HOMER2: variants seen among roughly 807,000 people sequenced by gnomAD.
The protein encoded by HOMER2 is homer protein homolog 2.
Under a neutral mutation model 47.0 loss-of-function variants are expected in HOMER2, and 27 were observed. That is an observed-to-expected ratio of 0.57 (90% CI 0.42 to 0.79). The LOEUF (loss-of-function observed/expected upper bound fraction) is 0.79. Ranked by LOEUF, HOMER2 falls within the 30% of genes least tolerant of loss-of-function variation. The pLI is 0.00. For synonymous variants in HOMER2, 161 were observed against 163.8 expected, an observed-to-expected ratio of 0.98 and a Z score of 0.13; for missense variants, 443 against 435.0, an observed-to-expected ratio of 1.02 and a Z score of -0.16.
exon 2 of HOMER2, chr15:82,839,127 A>C (rs976958596): frequency 2.6e-5 from 4 of 152,056 alleles, no homozygotes; most frequent in Non-Finnish European, 5.9e-5. Context: ...TATCTGGTGG[A>C]ATGAGTCTCT....
At chr15:82,854,422 A>T (rs1229500939) in intron 6 of HOMER2, among the ~76,000 whole-genome samples, 1 of 152,184 alleles carries the variant, frequency 6.6e-6, no homozygotes, top group Non-Finnish European at 1.5e-5. Context: ...AAAGAAAGAA[A>T]ATAAAACCAG....
intron 1 of HOMER2, among the ~76,000 whole-genome samples, chr15:82,981,499 TC>T (rs1272789988): frequency 6.6e-6 from 1 of 152,196 alleles, no homozygotes; most frequent in Non-Finnish European, 1.5e-5. Flanking sequence ...ATCCAGCAAT[TC>T]CACTTCTGGG....
chr15:82,908,138 C>A (rs1049280846), intron 1 of HOMER2, among the ~76,000 whole-genome samples: 1 of 123,858 alleles, frequency 8.1e-6, no homozygotes, highest in Admixed American at 7.9e-5. Context: ...CTAATGGATT[C>A]TGACTTTCAG....
At chr15:82,946,241 C>T (rs1432641366) in intron 1 of HOMER2, among the ~76,000 whole-genome samples, 2 of 152,230 alleles carry the variant, frequency 1.3e-5, no homozygotes, top group East Asian at 1.9e-4. Flanking sequence ...ATATTTCCAG[C>T]GAACTGTGCG....
At chr15:82,902,189 T>G (rs1428466205) in intron 1 of HOMER2, among the ~76,000 whole-genome samples, 1 of 145,912 alleles carries the variant, frequency 6.9e-6, no homozygotes, top group African/African-American at 2.5e-5. Flanking sequence ...CTGGAAAACA[T>G]CCAAGTGATT....
At chr15:82,848,185 C>T (rs2051280377), downstream of HOMER2, among the ~76,000 whole-genome samples, 1 of 152,176 alleles carries the variant, frequency 6.6e-6, no homozygotes, top group Non-Finnish European at 1.5e-5. Context: ...GACTCGTGTT[C>T]ACCTTGGGGC....
chr15:82,918,852 G>A (rs545835517), intron 1 of HOMER2, among the ~76,000 whole-genome samples: 14 of 152,290 alleles, frequency 9.2e-5, no homozygotes, highest in Admixed American at 7.2e-4. Context: ...TGTTGAACTC[G>A]GCCCCGTAAA....
intron 1 of HOMER2, among the ~76,000 whole-genome samples, chr15:82,924,921 A>G (rs1469679562): frequency 6.6e-6 from 1 of 152,140 alleles, no homozygotes; most frequent in Non-Finnish European, 1.5e-5. Flanking sequence ...ACTTTGTTCC[A>G]TTGTGCATAT....
chr15:82,861,667 C>CT (rs2051794503), intron 4 of HOMER2, among the ~76,000 whole-genome samples: 1 of 152,118 alleles, frequency 6.6e-6, no homozygotes, highest in Non-Finnish European at 1.5e-5. Flanking sequence ...TGTTCATACT[C>CT]TAAGAGATTC....
intron 1 of HOMER2, among the ~76,000 whole-genome samples, chr15:82,910,540 A>C (rs962837216): frequency 6.6e-6 from 1 of 152,234 alleles, no homozygotes. Context: ...CAAGGGTTGC[A>C]CAGTACGTTT....
At chr15:82,945,466 A>G (rs1021977465) in intron 1 of HOMER2, among the ~76,000 whole-genome samples, 3 of 152,218 alleles carry the variant, frequency 2.0e-5, no homozygotes, top group South Asian at 2.1e-4. Flanking sequence ...ATGTAGACAT[A>G]CATCTAGACA....
chr15:82,911,750 G>T (rs2053459475), intron 1 of HOMER2, among the ~76,000 whole-genome samples: 1 of 152,172 alleles, frequency 6.6e-6, no homozygotes, highest in Non-Finnish European at 1.5e-5. Flanking sequence ...AAATTTCACG[G>T]CCGGGTGAGG....
intron 6 of HOMER2, 111 bp from the exon 7 acceptor site, chr15:82,852,363 A>C: frequency 9.8e-6 from 7 of 714,572 alleles, no homozygotes; most frequent in Non-Finnish European, 1.6e-5. Flanking sequence ...CCCTAAACTA[A>C]TCCACTTATA....
intron 6 of HOMER2, among the ~76,000 whole-genome samples, chr15:82,853,851 G>A (rs1268571365): frequency 1.3e-5 from 2 of 152,186 alleles, no homozygotes; most frequent in East Asian, 1.9e-4. Context: ...CCCTCCTCAC[G>A]CCTCAAGCAC....
At chr15:82,919,995 C>T (rs1011520510) in intron 1 of HOMER2, among the ~76,000 whole-genome samples, 3 of 152,174 alleles carry the variant, frequency 2.0e-5, no homozygotes, top group African/African-American at 7.2e-5. Flanking sequence ...TAGTATATTC[C>T]AGCTTGTTCA....
At chr15:82,842,187 C>G (rs1470049823) in exon 2 of HOMER2, 2 of 151,990 alleles carry the variant, frequency 1.3e-5, no homozygotes, top group African/African-American at 4.8e-5. Context: ...CATAAATTTA[C>G]TGAAAGGTTA....
At chr15:82,881,708 T>C (rs1383813523) in intron 2 of HOMER2, among the ~76,000 whole-genome samples, 1 of 152,098 alleles carries the variant, frequency 6.6e-6, no homozygotes, top group African/African-American at 2.4e-5. Flanking sequence ...CAAAAGAAAA[T>C]ACCAAATAAG....
intron 3 of HOMER2, among the ~76,000 whole-genome samples, chr15:82,865,947 G>A (rs544850560): frequency 6.6e-6 from 1 of 152,250 alleles, no homozygotes; most frequent in African/African-American, 2.4e-5. Context: ...TGCTAGGGCA[G>A]TGCAGAAGGG....
chr15:82,840,473 A>G (rs1400815182), exon 2 of HOMER2: 1 of 152,162 alleles, frequency 6.6e-6, no homozygotes, highest in Non-Finnish European at 1.5e-5. Context: ...TTAATTAAAA[A>G]AAATTTTTTT....
Sources: allele counts gnomAD v4.1 joint callset (sites outside exome capture counted in the v4.1 genomes callset), GRCh38; gene constraint gnomAD v4.1.1; transcripts MANE v1.5; gene names NCBI Gene and HGNC (gene_info 2026-07-23, HGNC 2026-07-21).